Variants in SCNN1G observed in about 807,000 individuals in gnomAD.
SCNN1G encodes the protein sodium channel epithelial 1 subunit gamma.
SCNN1G carries 27 observed loss-of-function variants against 64.6 expected under a neutral mutation model. That is an observed-to-expected ratio of 0.42 (90% CI 0.31 to 0.58). The LOEUF is 0.58. SCNN1G is among the 20% of genes least tolerant of loss of function. The pLI, the probability that SCNN1G is intolerant of heterozygous loss-of-function variation, is 0.18. For synonymous variants in SCNN1G, 330 were observed against 314.2 expected, an observed-to-expected ratio of 1.05 and a Z score of -0.53; for missense variants, 743 against 823.4, an observed-to-expected ratio of 0.90 and a Z score of 1.19.
At chr16:23,208,163 A>G (rs1055653295) in intron 6 of SCNN1G, among the ~76,000 whole-genome samples, 1 of 152,154 alleles carries the variant, frequency 6.6e-6, no homozygotes, top group African/African-American at 2.4e-5. Context: ...ATTAAGCTAG[A>G]GCAAAATTTA....
chr16:23,191,170 C>T (rs748776266), intron 3 of SCNN1G, among the ~76,000 whole-genome samples: 1 of 152,000 alleles, frequency 6.6e-6, no homozygotes, highest in East Asian at 1.9e-4. Context: ...AAATGCCATT[C>T]ACTGAAAATG....
Position 23,209,318 on chromosome 16 carries a change from G to A in SCNN1G, c.1078-432G>A, listed in dbSNP as rs371074005. ...TCCTGTCCACTTCTTGACAAGACCAGCTCTTTCTTGCAGTTCCACGCTAAG... is the reference window on the plus strand; with the variant it reads ...TCCTGTCCACTTCTTGACAAGACCAACTCTTTCTTGCAGTTCCACGCTAAG... On this transcript the variant is annotated intron_variant, in intron 6 of 12. Transcript: ENST00000300061. Among the ~76,000 whole-genome samples, 18 of 152,176 alleles carry A rather than the reference G, an allele frequency of 1.2e-4. No individual in the cohort carries two copies. The East Asian group carries it at 3.5e-3, about 29-fold the overall frequency.
Position 23,194,379 on chromosome 16 carries a change from C to A in SCNN1G, c.913+105C>A, listed in dbSNP as rs563232217. 68 of 809,110 alleles carry A rather than the reference C, an allele frequency of 8.4e-5. 1 individual carries two copies. In the South Asian group the frequency reaches 8.7e-4, roughly 10 times the overall value. 50.1% of individuals were successfully genotyped at this position (809,110 alleles called of 1,614,324 possible). A position where few individuals can be genotyped will look rare whatever the true frequency, so the allele number is the denominator to read the frequency against. ...GCCCTCTGGAAAAGCGGGATCTCTC[C>A]CACTTGGCCAGAAACCAGGGATGCC... On this transcript the variant is annotated intron_variant, in intron 5 of 12. Coordinates refer to ENST00000300061, the MANE Select transcript of SCNN1G (RefSeq NM_001039.4).
chr16:23,212,034 A>C lies in SCNN1G; in HGVS notation c.1177A>C (p.Ile393Leu). 1 of 1,606,128 alleles carries C rather than the reference A, an allele frequency of 6.2e-7. No individual in the cohort carries two copies. Among genetic ancestry groups the C allele is most frequent in the Non-Finnish European group, 8.5e-7 (1 of 1,172,772 alleles). The change falls in exon 8 of 13, where the codon ATC (isoleucine) becomes CTC (leucine). Residue 393 changes from isoleucine (I) to leucine (L), a missense_variant and splice_region_variant. By Grantham distance (5) the Ile-to-Leu change is conservative. Coordinates refer to ENST00000300061, the MANE Select transcript of SCNN1G (RefSeq NM_001039.4). ...NIYNAAYSLQICLHSCFQTKM... is the reference protein window; with the variant it reads ...NIYNAAYSLQLCLHSCFQTKM... Reference sequence around the variant, plus strand: ...GGCATTCCTGGGTCTCCTCTTTCAGATCTGCCTTCATTCATGCTTCCAGAC... The same window carrying C: ...GGCATTCCTGGGTCTCCTCTTTCAGCTCTGCCTTCATTCATGCTTCCAGAC...
chr16:23,204,230 G>A (rs1199092496), intron 6 of SCNN1G, among the ~76,000 whole-genome samples: 1 of 144,770 alleles, frequency 6.9e-6, no homozygotes, highest in Non-Finnish European at 1.5e-5. Context: ...AATGAGCTGT[G>A]GCCATGCCAC....
chr16:23,215,193 C>A lies in SCNN1G; in HGVS notation c.1674C>A (p.Phe558Leu). 2 of 1,614,174 alleles carry A rather than the reference C, an allele frequency of 1.2e-6. No homozygotes were observed. Among genetic ancestry groups the A allele is most frequent in the Non-Finnish European group, 1.7e-6 (2 of 1,180,038 alleles). ...EIIEVFFIDFFSIIARRQWQK... is the reference protein window; with the variant it reads ...EIIEVFFIDFLSIIARRQWQK... ...TCGAGGTCTTCTTCATTGACTTCTT[C>A]TCTATCATTGCCCGCCGCCAGTGGC... Residue 558 changes from phenylalanine to leucine, a missense_variant, in exon 13 of 13, where the codon TTC (phenylalanine) becomes TTA (leucine). Physicochemically the swap from Phe to Leu is conservative, Grantham distance 22. Transcript: ENST00000300061.
chr16:23,215,023 G>C (rs1960137001), intron 12 of SCNN1G, 66 bp from the exon 13 acceptor site: 8 of 1,594,110 alleles, frequency 5.0e-6, no homozygotes, highest in Admixed American at 1.7e-5. Flanking sequence ...TGGGAATCAG[G>C]GTTCCTGTGT....
intron 7 of SCNN1G, 127 bp from the exon 8 acceptor site, chr16:23,211,907 A>G: frequency 1.3e-6 from 1 of 769,096 alleles, no homozygotes; most frequent in Non-Finnish European, 2.4e-6. Flanking sequence ...CAGTTGGCAT[A>G]AGGGGCAGGT....
At chr16:23,198,099 G>A (rs1008464805) in intron 6 of SCNN1G, among the ~76,000 whole-genome samples, 1 of 152,258 alleles carries the variant, frequency 6.6e-6, no homozygotes, top group South Asian at 2.1e-4. Flanking sequence ...AAAGCCTAGT[G>A]GAAAGTCACT....
chr16:23,189,715 G>T, intron 3 of SCNN1G, 44 bp downstream of exon 3: 1 of 1,583,934 alleles, frequency 6.3e-7, no homozygotes, highest in Non-Finnish European at 8.7e-7. Context: ...AGGGGCATGG[G>T]ATGGGCTGGG....
In SCNN1G at chr16:23,186,540, G is replaced by A. The variant is rs1429611932; in HGVS notation, c.269G>A (p.Arg90Gln). 10 of 1,613,734 alleles carry A rather than the reference G, an allele frequency of 6.2e-6. No individual in the cohort carries two copies. Among genetic ancestry groups the A allele is most frequent in the South Asian group, 1.1e-5 (1 of 91,074 alleles). ...TCAGTTTCCATCAAAGTCCACTTCC[G>A]GAAGCTGGATTTTCCTGCAGTCACC... ...TVSVSIKVHF[R>Q]KLDFPAVTIC... Residue 90 changes from arginine (R) to glutamine (Q), a missense_variant, in exon 2 of 13, where the codon CGG becomes CAG. Transcript: ENST00000300061.
chr16:23,197,348 G>T lies in SCNN1G; in HGVS notation c.998G>T (p.Arg333Leu). The part of the protein sequence containing the change: ...SSTGAKVIIH[R>L]QDEYPFVEDV... ...ACTGGAGCTAAGGTGATCATCCATC[G>T]GCAGGATGAGTATCCCTTCGTCGAA... The change falls in exon 6 of 13, where the codon CGG (arginine) becomes CTG (leucine). Residue 333 changes from arginine (R) to leucine (L), a missense_variant. Physicochemically the swap from Arg to Leu is moderately radical, Grantham distance 102 (BLOSUM62 -2). Transcript: ENST00000300061. 3 of 1,613,272 alleles carry T rather than the reference G, an allele frequency of 1.9e-6. No individual in the cohort carries two copies. The highest frequency in any genetic ancestry group is 2.5e-6 in the Non-Finnish European group (3 of 1,179,208).
At chr16:23,187,152 A>G (rs1596761428) in intron 2 of SCNN1G, among the ~76,000 whole-genome samples, 1 of 137,436 alleles carries the variant, frequency 7.3e-6, no homozygotes, top group Non-Finnish European at 1.5e-5. Context: ...TCTGTCACCC[A>G]AGCTGGAGTG....
intron 10 of SCNN1G, 59 bp from the exon 11 acceptor site, chr16:23,213,036 TGAGGCGG>T: frequency 6.5e-7 from 1 of 1,546,084 alleles, no homozygotes; most frequent in East Asian, 2.2e-5. Context: ...TTGGGGAGCC[TGAGGCGG>T]GAGGCTGGCC....
chr16:23,205,766 T>A (rs1247045073), intron 6 of SCNN1G, among the ~76,000 whole-genome samples: 1 of 151,330 alleles, frequency 6.6e-6, no homozygotes, highest in Non-Finnish European at 1.5e-5. Context: ...ATCCACCTGT[T>A]CCATCCCCAG....
At chr16:23,210,059 G>T (rs947415749) in intron 7 of SCNN1G, among the ~76,000 whole-genome samples, 5 of 152,216 alleles carry the variant, frequency 3.3e-5, no homozygotes, top group African/African-American at 1.2e-4. Flanking sequence ...CGAGGTTTCT[G>T]TGGAACTCAA....
rs1406915921 is a variant in SCNN1G, at chr16:23,186,312, A to C, written c.41A>C (p.Asn14Thr). The C allele has an allele frequency of 6.2e-7, 1 of 1,614,236 alleles. No individual in the cohort carries two copies. Among genetic ancestry groups the C allele is most frequent in the East Asian group, 2.2e-5 (1 of 44,880 alleles). ...GEKIKAKIKK[N>T]LPVTGPQAPT... ...AAGATCAAAGCCAAAATCAAGAAGA[A>C]TCTGCCCGTGACGGGCCCTCAGGCG... Residue 14 changes from asparagine to threonine, a missense_variant, in exon 2 of 13, where the codon AAT becomes ACT. Physicochemically the swap from Asn to Thr is moderately conservative, Grantham distance 65. Transcript: ENST00000300061.
chr16:23,189,506 G>A lies in SCNN1G; in HGVS notation c.453G>A (p.Gln151=). 6.2e-7 allele frequency: 1 copy of A among 1,614,220 alleles called. No individual in the cohort carries two copies. Among genetic ancestry groups the A allele is most frequent in the Non-Finnish European group, 8.5e-7 (1 of 1,180,040 alleles). Residue 151 remains glutamine (Q), a synonymous_variant, in exon 3 of 13, where the codon CAG becomes CAA. Coordinates refer to ENST00000300061, the MANE Select transcript of SCNN1G (RefSeq NM_001039.4). ...GGAACTCCGTCTCAGAGGGAAAGCA[G>A]CCTAGATTCTCCCACCGGATTCCGC... ...ESWNSVSEGK[Q]PRFSHRIPLL...
At chr16:23,195,538 T>A (rs1959781705) in intron 5 of SCNN1G, among the ~76,000 whole-genome samples, 1 of 152,222 alleles carries the variant, frequency 6.6e-6, no homozygotes, top group African/African-American at 2.4e-5. Context: ...CTGGCCTTTG[T>A]CCCTGTGTAG....
Sources: gnomAD v4.1 joint callset for allele counts (sites outside exome capture counted in the v4.1 genomes callset) on GRCh38, gnomAD v4.1.1 for gene constraint, MANE v1.5 for transcripts, NCBI Gene and HGNC (gene_info 2026-07-23, HGNC 2026-07-21) for gene names.